Variants in MSLN observed in about 807,000 individuals in gnomAD.
The protein encoded by MSLN is CAK1 antigen.
Under a neutral mutation model 72.6 loss-of-function variants are expected in MSLN, and 82 were observed. The observed-to-expected ratio is 1.13, with a 90% CI of 0.94 to 1.36. MSLN has a LOEUF of 1.36. Ranked by LOEUF, MSLN falls within the 40% of genes most tolerant of loss-of-function variation. The pLI is 0.00. For synonymous variants in MSLN, 456 were observed against 387.3 expected, an observed-to-expected ratio of 1.18 and a Z score of -2.08; for missense variants, 1,005 against 847.9, an observed-to-expected ratio of 1.19 and a Z score of -2.30.
At chr16:767,498 G>A in intron 16 of MSLN, 28 bp downstream of exon 16, 1 of 1,545,064 alleles carries the variant, frequency 6.5e-7, no homozygotes, top group South Asian at 1.1e-5. Context: ...AGGGGCGTGT[G>A]GAGGAGGGGC....
At chr16:763,572 T>C in intron 4 of MSLN, 70 bp from the exon 5 acceptor site, 1 of 1,443,812 alleles carries the variant, frequency 6.9e-7, no homozygotes, top group Non-Finnish European at 9.4e-7. Context: ...GGCCCAGGGG[T>C]AGCGGGACCT....
rs753038910 is a variant in MSLN, at chr16:766,176, G to A, written c.1013G>A (p.Arg338His). ...GCCCTGCTGGCCACCCAGATGGACC[G>A]CGTGAACGCCATCCCCTTCACCTAC... ...DAALLATQMDRVNAIPFTYEQ... is the reference protein window; with the variant it reads ...DAALLATQMDHVNAIPFTYEQ... Residue 338 changes from arginine (R) to histidine (H), a missense_variant, in exon 12 of 18, where the codon CGC becomes CAC. By Grantham distance (29) the Arg-to-His change is conservative (BLOSUM62 0). Coordinates refer to ENST00000545450, the MANE Select transcript of MSLN (RefSeq NM_005823.6). 1.8e-5 allele frequency: 29 copies of A among 1,612,562 alleles called. No homozygotes were observed. Among genetic ancestry groups the A allele is most frequent in the East Asian group, 1.1e-4 (5 of 44,896 alleles).
chr16:768,262 A>C, intron 16 of MSLN, 117 bp from the exon 17 acceptor site: 1 of 1,062,486 alleles, frequency 9.4e-7, no homozygotes, highest in Middle Eastern at 3.1e-4. Context: ...CGAAGTCTGG[A>C]GAGGCTGCGG....
At chr16:767,151 G>A (rs879944963) in intron 15 of MSLN, 139 bp downstream of exon 15, 12 of 1,407,164 alleles carry the variant, frequency 8.5e-6, no homozygotes, top group Non-Finnish European at 1.1e-5. Context: ...TGCCCCCCGG[G>A]GTGTGTATGG....
In MSLN at chr16:765,547, T is replaced by C; in HGVS notation, c.725T>C (p.Val242Ala). The stretch of plus-strand genomic sequence containing the variant: ...CACAGCCCCCCGTCGACATGGTCTG[T>C]CTCCACGATGGACGCTCTGCGGGGC... ...PPYGPPSTWS[V>A]STMDALRGLL... Residue 242 changes from valine to alanine, a missense_variant, in exon 10 of 18, where the codon GTC becomes GCC. Physicochemically the swap from Val to Ala is moderately conservative, Grantham distance 64. Transcript: ENST00000545450. 2 of 1,606,972 alleles carry C rather than the reference T, an allele frequency of 1.2e-6. No homozygotes were observed. The highest frequency in any genetic ancestry group is 1.1e-5 in the South Asian group (1 of 90,972).
In MSLN at chr16:765,732, A is replaced by G. The variant is rs368226765; in HGVS notation, c.837A>G (p.Pro279=). ...AAWRQRSSRD[P]SWRQPERTIL... Reference sequence around the variant, plus strand: ...GGCGGCAACGCTCCTCTCGGGACCCATCCTGGCGGCAGCCTGAACGGACCA... The same window carrying G: ...GGCGGCAACGCTCCTCTCGGGACCCGTCCTGGCGGCAGCCTGAACGGACCA... Residue 279 remains proline (P), a synonymous_variant, in exon 11 of 18, where the codon CCA becomes CCG. Transcript: ENST00000545450. 28 of 1,600,940 alleles carry G rather than the reference A, an allele frequency of 1.7e-5. 1 individual carries two copies. In the East Asian group the frequency reaches 5.8e-4, roughly 33 times the overall value.
At chr16:767,133 C>A in intron 15 of MSLN, 121 bp downstream of exon 15, 18 of 1,479,444 alleles carry the variant, frequency 1.2e-5, no homozygotes, top group Non-Finnish European at 1.7e-5. Context: ...GGGTGGTCAC[C>A]CGCCCTCTGC....
chr16:765,128 C>T lies in MSLN; in HGVS notation c.529C>T (p.Leu177=), dbSNP rs772724842. 6 of 1,603,752 alleles carry T rather than the reference C, an allele frequency of 3.7e-6. No homozygotes were observed. The Admixed American group carries it at 8.4e-5, about 22-fold the overall frequency. The part of the protein sequence containing the change: ...LACWGVRGSL[L]SEADVRALGG... The stretch of plus-strand genomic sequence containing the variant: ...TCTGCAGGGTGTGCGGGGGTCTCTG[C>T]TGAGCGAGGCTGATGTGCGGGCTCT... The change falls in exon 9 of 18, where the codon CTG becomes TTG. Residue 177 remains leucine (L), a synonymous_variant. Coordinates refer to ENST00000545450, the MANE Select transcript of MSLN (RefSeq NM_005823.6).
chr16:765,703 G>A lies in MSLN; in HGVS notation c.808G>A (p.Ala270Thr), dbSNP rs748657578. 68 of 1,600,744 alleles carry A rather than the reference G, an allele frequency of 4.2e-5. No individual in the cohort carries two copies. The highest frequency in any genetic ancestry group is 1.7e-5 in the Non-Finnish European group (20 of 1,179,418). ...TGCTCGTCCTCAGGGCATCGTGGCC[G>A]CGTGGCGGCAACGCTCCTCTCGGGA... ...IRSIPQGIVA[A>T]WRQRSSRDPS... Residue 270 changes from alanine (A) to threonine (T), a missense_variant, in exon 11 of 18, where the codon GCG (alanine) becomes ACG (threonine). Physicochemically the swap from Ala to Thr is moderately conservative, Grantham distance 58 (BLOSUM62 0). Coordinates refer to ENST00000545450, the MANE Select transcript of MSLN (RefSeq NM_005823.6).
intron 11 of MSLN, 48 bp from the exon 12 acceptor site, chr16:766,011 G>A: frequency 2.0e-6 from 3 of 1,537,804 alleles, no homozygotes; most frequent in Non-Finnish European, 2.6e-6. Flanking sequence ...GGAGGAAGAA[G>A]GGGTCAAACG....
At chr16:765,831 A>G in intron 11 of MSLN, 41 bp downstream of exon 11, 1 of 1,567,198 alleles carries the variant, frequency 6.4e-7, no homozygotes, top group Non-Finnish European at 8.6e-7. Flanking sequence ...CAGGCTGGGC[A>G]GCACCCCTGG....
chr16:763,946 T>C (rs990338181), intron 5 of MSLN, 77 bp from the exon 6 acceptor site: 3 of 1,567,230 alleles, frequency 1.9e-6, no homozygotes, highest in Non-Finnish European at 2.6e-6. Flanking sequence ...GAGGTGGGGC[T>C]GTGGGGCTTG....
chr16:767,128 GT>G, intron 15 of MSLN, 116 bp downstream of exon 15: 1 of 1,512,892 alleles, frequency 6.6e-7, no homozygotes, highest in Non-Finnish European at 9.0e-7. Flanking sequence ...TAACTGGGTG[GT>G]CACCCGCCCT....
At chr16:763,768 A>AACCCCCAGCATCCCATCCCCCGTCCCC in intron 5 of MSLN, 77 bp downstream of exon 5, 2 of 131,202 alleles carry the variant, frequency 1.5e-5, no homozygotes, top group Non-Finnish European at 1.9e-5. Context: ...AGGGCACCCC[A>AACCCCCAGCATCCCATCCCCCGTCCCC]TCCCCCAGCA....
Position 765,672 on chromosome 16 carries a change from A to T in MSLN, c.796-19A>T. 6.2e-7 allele frequency: 1 copy of T among 1,600,106 alleles called. No homozygotes were observed. The highest frequency in any genetic ancestry group is 8.5e-7 in the Non-Finnish European group (1 of 1,178,764). ...TGCCCGGCCACCCGAGGCTCAGCCC[A>T]GGTCCTGCTCGTCCTCAGGGCATCG... On this transcript the variant is annotated intron_variant, in intron 10 of 17. Transcript: ENST00000545450.
chr16:764,922 G>C lies in MSLN; in HGVS notation c.396G>C (p.Ser132=), dbSNP rs201069688. ...CTCTTCACAGCCCAGATGCGTTCTC[G>C]GGGCCCCAGGCCTGCACCCGTTTCT... The part of the protein sequence containing the change: ...LLLFLNPDAF[S]GPQACTRFFS... The change falls in exon 8 of 18, where the codon TCG becomes TCC. Residue 132 remains serine, a synonymous_variant. Coordinates refer to ENST00000545450, the MANE Select transcript of MSLN (RefSeq NM_005823.6). The C allele has an allele frequency of 6.2e-7, 1 of 1,611,732 alleles. No individual in the cohort carries two copies.
At chr16:763,992 T>A (rs749483441) in intron 5 of MSLN, 31 bp from the exon 6 acceptor site, 10 of 1,592,602 alleles carry the variant, frequency 6.3e-6, no homozygotes, top group Non-Finnish European at 8.5e-6. Flanking sequence ...GGAGGGGCGA[T>A]CGTGGGTGCC....
Position 763,678 on chromosome 16 carries a change from C to G in MSLN, c.166C>G (p.Pro56Ala). The G allele has an allele frequency of 6.2e-7, 1 of 1,603,460 alleles. No individual in the cohort carries two copies. Among genetic ancestry groups the G allele is most frequent in the East Asian group, 2.2e-5 (1 of 44,614 alleles). ...CCTGGACGGAGTCCTGGCCAACCCA[C>G]CTAACATTTCCAGGTGGGTCTGGGG... ...APLDGVLANPPNISSLSPRQL... is the reference protein window; with the variant it reads ...APLDGVLANPANISSLSPRQL... The change falls in exon 5 of 18, where the codon CCT (proline) becomes GCT (alanine). Residue 56 changes from proline (P) to alanine (A), a missense_variant. By Grantham distance (27) the Pro-to-Ala change is conservative. Transcript: ENST00000545450.
Position 767,440 on chromosome 16 carries a change from G to C in MSLN, c.1566G>C (p.Thr522=), listed in dbSNP as rs768415268. 3.7e-6 allele frequency: 6 copies of C among 1,600,172 alleles called. No individual in the cohort carries two copies. The highest frequency in any genetic ancestry group is 5.1e-6 in the Non-Finnish European group (6 of 1,175,200). Residue 522 remains threonine (T), a synonymous_variant, in exon 16 of 18, where the codon ACG becomes ACC. Transcript: ENST00000545450. ...SQQNVSMDLA[T]FMKLRTDAVL... ...AGAATGTGAGCATGGACTTGGCCACGTTCATGAAGCTGCGGACGGATGCGG... is the reference window on the plus strand; with the variant it reads ...AGAATGTGAGCATGGACTTGGCCACCTTCATGAAGCTGCGGACGGATGCGG...
Sources: allele counts gnomAD v4.1 joint callset, GRCh38; gene constraint gnomAD v4.1.1; transcripts MANE v1.5; gene names NCBI Gene and HGNC (gene_info 2026-07-23, HGNC 2026-07-21).